SLC35F1: variants seen among roughly 807,000 people sequenced by gnomAD.
The protein encoded by SLC35F1 is solute carrier family 35 member F1.
In SLC35F1, 14 loss-of-function variants were observed where a neutral mutation model predicts 48.7. The observed-to-expected ratio is 0.29, with a 90% CI of 0.19 to 0.45. The LOEUF (loss-of-function observed/expected upper bound fraction) is 0.45. Ranked by LOEUF, SLC35F1 falls within the 20% of genes least tolerant of loss-of-function variation. The pLI, the probability that SLC35F1 is intolerant of heterozygous loss-of-function variation, is 1.00. For synonymous variants in SLC35F1, 190 were observed against 202.2 expected (o/e 0.94, Z 0.51); for missense variants, 404 against 500.0 (o/e 0.81, Z 1.83).
In SLC35F1 at chr6:118,294,286, T is replaced by C. The variant is rs149930798; in HGVS notation, c.1002+8948T>C. On this transcript the variant is annotated intron_variant, in intron 7 of 7. Coordinates refer to ENST00000360388, the MANE Select transcript of SLC35F1 (RefSeq NM_001029858.4). ...ATGTAGAAAACATTGTATTAGTCAT[T>C]TTTGGCTGATTTCTTTGATTCCTTT... Among the ~76,000 whole-genome samples, 838 of 152,344 alleles carry C rather than the reference T, an allele frequency of 5.5e-3. 6 individuals carry two copies. Among genetic ancestry groups the C allele is most frequent in the Middle Eastern group, 0.024 (7 of 294 alleles).
chr6:118,146,588 T>G (rs1384908672), intron 1 of SLC35F1, among the ~76,000 whole-genome samples: 3 of 152,278 alleles, frequency 2.0e-5, no homozygotes, highest in East Asian at 1.9e-4. Flanking sequence ...AAACTAAAAT[T>G]ATCCCAACTT....
In SLC35F1 at chr6:117,910,806, T is replaced by G. The variant is rs116476706; in HGVS notation, c.173+2907T>G. On this transcript the variant is annotated intron_variant, in intron 1 of 7. Coordinates refer to ENST00000360388, the MANE Select transcript of SLC35F1 (RefSeq NM_001029858.4). ...AGCCTGGCGAATTGCCTGCCATTGG[T>G]CACAGTCTACAGGAACAGCTATCTG... 8.8e-3 allele frequency among the ~76,000 whole-genome samples: 1,335 copies of G among 152,278 alleles called. 20 individuals are homozygous for G. Among genetic ancestry groups the G allele is most frequent in the African/African-American group, 0.031 (1,270 of 41,542 alleles).
At chr6:118,143,581 C>T (rs1773924005) in intron 1 of SLC35F1, among the ~76,000 whole-genome samples, 1 of 152,166 alleles carries the variant, frequency 6.6e-6, no homozygotes, top group African/African-American at 2.4e-5. Context: ...GAATAAACTT[C>T]TTAGTCAGAA....
At chr6:118,008,953 T>A (rs1227087953) in intron 1 of SLC35F1, among the ~76,000 whole-genome samples, 1 of 152,212 alleles carries the variant, frequency 6.6e-6, no homozygotes, top group Non-Finnish European at 1.5e-5. Context: ...GGTACTATTA[T>A]AATTATTGAA....
chr6:118,222,159 G>T (rs1775160250), intron 2 of SLC35F1, among the ~76,000 whole-genome samples: 1 of 152,056 alleles, frequency 6.6e-6, no homozygotes, highest in Non-Finnish European at 1.5e-5. Flanking sequence ...TCTAATGCAG[G>T]TTTTGAGTCA....
chr6:118,255,849 G>A (rs1775636512), intron 3 of SLC35F1, among the ~76,000 whole-genome samples: 1 of 152,188 alleles, frequency 6.6e-6, no homozygotes, highest in African/African-American at 2.4e-5. Flanking sequence ...TGGACAATGT[G>A]ATGGAAACAT....
intron 1 of SLC35F1, among the ~76,000 whole-genome samples, chr6:118,098,502 C>T (rs1773210484): frequency 6.6e-6 from 1 of 152,162 alleles, no homozygotes. Flanking sequence ...GTTAAAAACA[C>T]CCCACCATGA....
chr6:117,923,887 C>T lies in SLC35F1; in HGVS notation c.173+15988C>T, dbSNP rs1385996348. Among the ~76,000 whole-genome samples the T allele has an allele frequency of 2.2e-4, 30 of 133,342 alleles. 1 individual carries two copies. Among genetic ancestry groups the T allele is most frequent in the African/African-American group, 6.9e-4 (23 of 33,390 alleles). 87.5% of individuals were successfully genotyped at this position (133,342 alleles called of 152,430 possible). On this transcript the variant is annotated intron_variant, in intron 1 of 7. Coordinates refer to ENST00000360388, the MANE Select transcript of SLC35F1 (RefSeq NM_001029858.4). ...GTGTACATATATACATATGTAGATA[C>T]ACATATACACATATATGTGTGTGTA... is the stretch of plus-strand genomic sequence containing the variant.
chr6:117,935,763 G>A (rs1470341198), intron 1 of SLC35F1, among the ~76,000 whole-genome samples: 1 of 152,168 alleles, frequency 6.6e-6, no homozygotes, highest in Non-Finnish European at 1.5e-5. Context: ...AAACAAGAAA[G>A]CAGAGTGTTG....
intron 3 of SLC35F1, among the ~76,000 whole-genome samples, chr6:118,257,497 T>G (rs1297970603): frequency 6.6e-6 from 1 of 152,126 alleles, no homozygotes; most frequent in African/African-American, 2.4e-5. Context: ...GGTCTAAAAT[T>G]AATACAGCTG....
intron 1 of SLC35F1, among the ~76,000 whole-genome samples, chr6:117,986,881 C>T (rs576891798): frequency 6.6e-6 from 1 of 152,150 alleles, no homozygotes; most frequent in South Asian, 2.1e-4. Context: ...TGTTGGGCCT[C>T]TTAGGCTTAG....
At chr6:118,271,404 G>C (rs1171214580) in intron 4 of SLC35F1, among the ~76,000 whole-genome samples, 1 of 152,118 alleles carries the variant, frequency 6.6e-6, no homozygotes, top group Non-Finnish European at 1.5e-5. Flanking sequence ...TAGTGTAAGT[G>C]ACTGCCCTAG....
intron 1 of SLC35F1, among the ~76,000 whole-genome samples, chr6:117,924,412 T>G (rs1332594519): frequency 3.3e-5 from 4 of 121,992 alleles, no homozygotes; most frequent in Non-Finnish European, 7.1e-5. Context: ...CACATGCATA[T>G]GTATATATAC....
At chr6:118,164,793 C>T (rs1355168342) in intron 2 of SLC35F1, among the ~76,000 whole-genome samples, 4 of 152,178 alleles carry the variant, frequency 2.6e-5, no homozygotes, top group African/African-American at 9.7e-5. Context: ...ATATGTTCTC[C>T]TTCACTTGGC....
chr6:118,039,799 GT>G (rs149879230), intron 1 of SLC35F1, among the ~76,000 whole-genome samples: 3 of 106,856 alleles, frequency 2.8e-5, no homozygotes, highest in African/African-American at 9.7e-5. Context: ...TCTCAGGATT[GT>G]TTTTTTTGTT....
chr6:118,082,453 GAACTT>G (rs1165331745), intron 1 of SLC35F1, among the ~76,000 whole-genome samples: 1 of 152,098 alleles, frequency 6.6e-6, no homozygotes. Context: ...TAGGAGAGGA[GAACTT>G]ACGAAATGAA....
intron 1 of SLC35F1, among the ~76,000 whole-genome samples, chr6:118,076,369 G>A (rs1007335503): frequency 3.9e-5 from 6 of 152,152 alleles, no homozygotes; most frequent in African/African-American, 1.4e-4. Context: ...TTGCTATGAA[G>A]AGCTACCTGA....
At chr6:118,018,523 ATTG>A (rs987747540) in intron 1 of SLC35F1, among the ~76,000 whole-genome samples, 21 of 152,036 alleles carry the variant, frequency 1.4e-4, no homozygotes, top group African/African-American at 4.8e-4. Flanking sequence ...CATCTTTGTT[ATTG>A]TTATTATTAT....
At chr6:118,005,379 A>G (rs1055619144) in intron 1 of SLC35F1, among the ~76,000 whole-genome samples, 44 of 152,216 alleles carry the variant, frequency 2.9e-4, no homozygotes, top group Non-Finnish European at 7.3e-5. Flanking sequence ...TCTCCCAGTC[A>G]TGTAGACTTG....
Sources: allele counts gnomAD v4.1 joint callset (sites outside exome capture counted in the v4.1 genomes callset), GRCh38; gene constraint gnomAD v4.1.1; transcripts MANE v1.5; gene names NCBI Gene and HGNC (gene_info 2026-07-23, HGNC 2026-07-21).